The following MKRN2 variants were observed in gnomAD, a reference collection of about 807,000 sequenced individuals.
The protein encoded by MKRN2 is E3 ubiquitin-protein ligase makorin-2.
In MKRN2, 32 loss-of-function variants were observed where a neutral mutation model predicts 45.4. That is an observed-to-expected ratio of 0.70 (90% CI 0.53 to 0.95). The LOEUF is 0.95. Among genes scored for constraint, MKRN2 ranks in the 40% least tolerant of loss-of-function variants. The probability of loss-of-function intolerance (pLI) is 0.00; values close to 1 mark genes in which losing one functional copy is unlikely to be tolerated. For synonymous variants in MKRN2, 206 were observed against 192.4 expected (o/e 1.07, Z -0.59); for missense variants, 526 against 536.7 (o/e 0.98, Z 0.20).
chr3:12,565,106 G>A (rs2058061600), intron 1 of MKRN2, among the ~76,000 whole-genome samples: 1 of 152,178 alleles, frequency 6.6e-6, no homozygotes, highest in Non-Finnish European at 1.5e-5. Context: ...TATTTGTGTG[G>A]ACATAGATTT....
chr3:12,569,025 C>G, intron 2 of MKRN2, 22 bp downstream of exon 2: 2 of 1,600,204 alleles, frequency 1.2e-6, no homozygotes, highest in South Asian at 1.1e-5. Flanking sequence ...GCAACAGATT[C>G]CAGCTGTGAC....
chr3:12,581,411 A>C (rs1207589914), intron 6 of MKRN2, among the ~76,000 whole-genome samples: 1 of 152,144 alleles, frequency 6.6e-6, no homozygotes, highest in African/African-American at 2.4e-5. Context: ...TACCTAGGGA[A>C]CTTTGAGCAG....
intron 3 of MKRN2, among the ~76,000 whole-genome samples, chr3:12,570,550 G>A (rs1181490019): frequency 1.3e-5 from 2 of 152,114 alleles, no homozygotes; most frequent in African/African-American, 2.4e-5. Context: ...TGGTTGTCCA[G>A]CTGGTGAGAA....
At chr3:12,575,174 C>G (rs890103243) in intron 5 of MKRN2, among the ~76,000 whole-genome samples, 168 bp downstream of exon 5, 1 of 152,162 alleles carries the variant, frequency 6.6e-6, no homozygotes, top group African/African-American at 2.4e-5. Flanking sequence ...GCCTAAGTGC[C>G]TGTTCCTATA....
At chr3:12,561,564 C>G (rs2058036541) in intron 1 of MKRN2, among the ~76,000 whole-genome samples, 1 of 152,120 alleles carries the variant, frequency 6.6e-6, no homozygotes, top group Non-Finnish European at 1.5e-5. Context: ...GTAGGAAGAT[C>G]ACTTGAGCCC....
At chr3:12,574,698 C>G (rs1280728904) in intron 4 of MKRN2, 94 bp from the exon 5 acceptor site, 1 of 1,174,246 alleles carries the variant, frequency 8.5e-7, no homozygotes, top group African/African-American at 1.5e-5. Context: ...CCTTCCTGAT[C>G]TCAGCTGTGG....
chr3:12,581,880 T>C lies in MKRN2; in HGVS notation c.1041T>C (p.His347=), dbSNP rs762121812. The change falls in exon 7 of 8, where the codon CAT becomes CAC. Residue 347 remains histidine, a synonymous_variant. Coordinates refer to ENST00000170447, the MANE Select transcript of MKRN2 (RefSeq NM_014160.5). ...TTGGAAGCAAATGTCTTTATCGCCA[T>C]GCTTACCCCGATGGGCGGCTAGCAG... The part of the protein sequence containing the change: ...CPFGSKCLYR[H]AYPDGRLAEP... 22 of 1,614,034 alleles carry C rather than the reference T, an allele frequency of 1.4e-5. No individual in the cohort carries two copies. The highest frequency in any genetic ancestry group is 8.0e-5 in the African/African-American group (6 of 74,914).
chr3:12,571,446 A>G (rs1352288996), intron 3 of MKRN2, among the ~76,000 whole-genome samples: 1 of 152,176 alleles, frequency 6.6e-6, no homozygotes, highest in Non-Finnish European at 1.5e-5. Flanking sequence ...TCACCAGGTG[A>G]AGAGATTTCT....
At position 12,582,258 on chromosome 3, in the gene MKRN2, T is replaced by C; in HGVS notation, c.*5T>C. ...GTGGAATCATCAGAACCCTAAAGAGTAGATGGTTGCCCTGCATCTTGGGCT... is the reference window on the plus strand; with the variant it reads ...GTGGAATCATCAGAACCCTAAAGAGCAGATGGTTGCCCTGCATCTTGGGCT... On this transcript the variant is annotated 3_prime_UTR_variant, in exon 8 of 8. Coordinates refer to ENST00000170447, the MANE Select transcript of MKRN2 (RefSeq NM_014160.5). The C allele has an allele frequency of 1.2e-6, 2 of 1,612,918 alleles. No individual in the cohort carries two copies. The highest frequency in any genetic ancestry group is 1.7e-6 in the Non-Finnish European group (2 of 1,179,554).
chr3:12,569,936 T>G, intron 2 of MKRN2, 135 bp from the exon 3 acceptor site: 1 of 773,378 alleles, frequency 1.3e-6, no homozygotes, highest in Non-Finnish European at 2.0e-6. Flanking sequence ...CCTGTTAGAG[T>G]TTAAATATTG....
chr3:12,557,101 A>AGCGGCTGCGAGAGGCGGCG lies in MKRN2; in HGVS notation c.-47_-29dup. Reference sequence around the variant, plus strand: ...GGGCCAGGGCCAAGGCCGAGGCGGCAGCGGCTGCGAGAGGCGGCGGCACGA... The same window carrying AGCGGCTGCGAGAGGCGGCG: ...GGGCCAGGGCCAAGGCCGAGGCGGCAGCGGCTGCGAGAGGCGGCGGCGGCTGCGAGAGGCGGCGGCACGA... On this transcript the variant is annotated 5_prime_UTR_variant, in exon 1 of 8. Coordinates refer to ENST00000170447, the MANE Select transcript of MKRN2 (RefSeq NM_014160.5). 2.2e-6 allele frequency: 3 copies of AGCGGCTGCGAGAGGCGGCG among 1,393,144 alleles called. No individual in the cohort carries two copies. Among genetic ancestry groups the AGCGGCTGCGAGAGGCGGCG allele is most frequent in the Non-Finnish European group, 2.8e-6 (3 of 1,065,262 alleles). The allele number at this position is 1,393,144 out of a possible 1,614,324, so 86.3% of individuals were successfully genotyped here. A position where few individuals can be genotyped will look rare whatever the true frequency, so the allele number is the denominator to read the frequency against.
Position 12,582,508 on chromosome 3 carries a change from TAAC to T in MKRN2, c.*259_*261del, listed in dbSNP as rs1044146018. On this transcript the variant is annotated 3_prime_UTR_variant, in exon 8 of 8. Coordinates refer to ENST00000170447, the MANE Select transcript of MKRN2 (RefSeq NM_014160.5). ...AGTTACACCTCAAGCCCCTCAGGGGTAACAACTAACAAACACCCAAACTGTTTG... is the reference window on the plus strand; with the variant it reads ...AGTTACACCTCAAGCCCCTCAGGGGTAACTAACAAACACCCAAACTGTTTG... The T allele has an allele frequency of 5.1e-6, 2 of 391,444 alleles. No individual in the cohort carries two copies. Among genetic ancestry groups the T allele is most frequent in the African/African-American group, 4.0e-5 (2 of 50,282 alleles). 24.2% of individuals were successfully genotyped at this position (391,444 alleles called of 1,614,324 possible). A position where few individuals can be genotyped will look rare whatever the true frequency, so the allele number is the denominator to read the frequency against.
chr3:12,574,787 T>C lies in MKRN2; in HGVS notation c.643-5T>C, dbSNP rs1186303178. 1.2e-6 allele frequency: 2 copies of C among 1,611,968 alleles called. No homozygotes were observed. Among genetic ancestry groups the C allele is most frequent in the Non-Finnish European group, 8.5e-7 (1 of 1,179,070 alleles). On this transcript the variant is annotated splice_region_variant and splice_polypyrimidine_tract_variant and intron_variant, in intron 4 of 7. Coordinates refer to ENST00000170447, the MANE Select transcript of MKRN2 (RefSeq NM_014160.5). ...CCAAAGCCTTCCTTCCTGTCTGTGC[T>C]TCAGATCTGCATGTTGACGTTCGAA...
chr3:12,581,124 G>C (rs9849171), intron 6 of MKRN2, among the ~76,000 whole-genome samples: 54,004 of 151,992 alleles, frequency 0.36, 9,906 homozygotes, highest in Admixed American at 0.41. Context: ...ATAGAGGTCT[G>C]TGGGGAGAAT....
At chr3:12,566,494 T>G (rs901746717) in intron 1 of MKRN2, among the ~76,000 whole-genome samples, 2 of 152,212 alleles carry the variant, frequency 1.3e-5, no homozygotes, top group African/African-American at 4.8e-5. Context: ...ATTCTGTGTC[T>G]TCAAGTATTC....
In MKRN2 at chr3:12,578,858, ATTTTTTTTTT is replaced by A. The variant is rs374121518; in HGVS notation, c.968+2130_968+2139del. 5.4e-4 allele frequency among the ~76,000 whole-genome samples: 68 copies of A among 125,232 alleles called. 1 individual carries two copies. The highest frequency in any genetic ancestry group is 1.8e-3 in the African/African-American group (63 of 34,072). 82.2% of individuals were successfully genotyped at this position (125,232 alleles called of 152,430 possible). On this transcript the variant is annotated intron_variant, in intron 6 of 7. Coordinates refer to ENST00000170447, the MANE Select transcript of MKRN2 (RefSeq NM_014160.5). ...TTGCATATTAGTTTACTAAAGCTTG[ATTTTTTTTTT>A]TTTTTTTTTTTTACCATTTTTTCCT...
At chr3:12,568,484 G>A (rs2058081635) in intron 1 of MKRN2, among the ~76,000 whole-genome samples, 1 of 152,184 alleles carries the variant, frequency 6.6e-6, no homozygotes, top group African/African-American at 2.4e-5. Flanking sequence ...TTCTTAAGTG[G>A]CAGAGCTGGG....
Position 12,582,195 on chromosome 3 carries a change from T to G in MKRN2, c.1193T>G (p.Met398Arg), listed in dbSNP as rs2058186705. The change falls in exon 8 of 8, where the codon ATG (methionine) becomes AGG (arginine). Residue 398 changes from methionine to arginine, a missense_variant. Physicochemically the swap from Met to Arg is moderately conservative, Grantham distance 91. Transcript: ENST00000170447. ...GTCCCCAACAATGAAGATGTCGACA[T>G]GACAGAGCTCGGGGACCTCTTCATG... ...RHVPNNEDVD[M>R]TELGDLFMHL... 2 of 1,613,994 alleles carry G rather than the reference T, an allele frequency of 1.2e-6. No individual in the cohort carries two copies. Among genetic ancestry groups the G allele is most frequent in the Non-Finnish European group, 1.7e-6 (2 of 1,180,022 alleles).
rs887206180 is a variant in MKRN2, at chr3:12,559,132, G to A, written c.26+1956G>A. ...CAAGGATATGTAAAACTGCAAAGAAGTTTACTCACAAAAGGGTGTAAAGGA... is the reference window on the plus strand; with the variant it reads ...CAAGGATATGTAAAACTGCAAAGAAATTTACTCACAAAAGGGTGTAAAGGA... On this transcript the variant is annotated intron_variant, in intron 1 of 7. Transcript: ENST00000170447. 2.0e-5 allele frequency among the ~76,000 whole-genome samples: 3 copies of A among 152,198 alleles called. No homozygotes were observed. The East Asian group carries it at 5.8e-4, about 29-fold the overall frequency.
Sources: allele counts gnomAD v4.1 joint callset (sites outside exome capture counted in the v4.1 genomes callset), GRCh38; gene constraint gnomAD v4.1.1; transcripts MANE v1.5; gene names NCBI Gene and HGNC (gene_info 2026-07-23, HGNC 2026-07-21).